Variants in FGD5 observed in about 807,000 individuals in gnomAD.
FGD5 encodes the protein FYVE, RhoGEF and PH domain containing 5.
Under a neutral mutation model 133.4 loss-of-function variants are expected in FGD5, and 28 were observed. The ratio of observed to expected loss-of-function variants is 0.21; its 90% CI spans 0.16 to 0.29. FGD5 has a LOEUF of 0.29. Ranked by LOEUF, FGD5 falls within the 10% of genes least tolerant of loss-of-function variation. The pLI is 1.00. For missense variants in FGD5, 1,858 were observed against 1,895.2 expected, an observed-to-expected ratio of 0.98 and a Z score of 0.36; for synonymous variants, 810 against 776.5, an observed-to-expected ratio of 1.04 and a Z score of -0.72.
intron 18 of FGD5, among the ~76,000 whole-genome samples, chr3:14,926,995 TG>T (rs1287061549): frequency 3.2e-4 from 49 of 152,316 alleles, no homozygotes; most frequent in African/African-American, 1.1e-3. Context: ...CTTCCTTCTT[TG>T]GGGCATGAAG....
At chr3:14,871,419 C>T (rs1461716896) in intron 2 of FGD5, among the ~76,000 whole-genome samples, 1 of 152,176 alleles carries the variant, frequency 6.6e-6, no homozygotes, top group East Asian at 1.9e-4. Context: ...AATGAAAACA[C>T]TTGTTTGGCT....
At chr3:14,864,867 T>G (rs1020432855) in intron 2 of FGD5, among the ~76,000 whole-genome samples, 8 of 152,162 alleles carry the variant, frequency 5.3e-5, no homozygotes, top group Non-Finnish European at 1.0e-4. Flanking sequence ...TGGACACTCA[T>G]GGTGAGCCGG....
intron 4 of FGD5, among the ~76,000 whole-genome samples, chr3:14,887,246 G>A (rs188258525): frequency 6.6e-5 from 10 of 152,264 alleles, no homozygotes; most frequent in Admixed American, 5.2e-4. Flanking sequence ...AGCTCCTTGA[G>A]GGCAAAGAGC....
intron 1 of FGD5, among the ~76,000 whole-genome samples, chr3:14,825,869 G>T (rs1249008228): frequency 6.6e-6 from 1 of 152,166 alleles, no homozygotes; most frequent in Non-Finnish European, 1.5e-5. Flanking sequence ...TTACACACTA[G>T]AAGCTTAATA....
chr3:14,866,286 A>G (rs954670023), intron 2 of FGD5, among the ~76,000 whole-genome samples: 2 of 152,182 alleles, frequency 1.3e-5, no homozygotes, highest in Non-Finnish European at 2.9e-5. Context: ...AGTGCCGGCC[A>G]TACAATAGGG....
At chr3:14,897,714 G>A (rs1195460688) in intron 5 of FGD5, 45 bp downstream of exon 5, 17 of 1,548,136 alleles carry the variant, frequency 1.1e-5, no homozygotes, top group Non-Finnish European at 1.4e-5. Context: ...GTTGCACTGG[G>A]GGAATGGAGA....
At chr3:14,821,617 T>C (rs550004342) in intron 1 of FGD5, 21 bp downstream of exon 1, 52 of 1,542,840 alleles carry the variant, frequency 3.4e-5, no homozygotes, top group Non-Finnish European at 4.3e-5. Context: ...TTCTATTTCC[T>C]TTCTTGTTCG....
At chr3:14,872,569 G>T (rs950848362) in intron 2 of FGD5, among the ~76,000 whole-genome samples, 2 of 152,200 alleles carry the variant, frequency 1.3e-5, no homozygotes, top group Admixed American at 6.5e-5. Context: ...ATTATAGGAG[G>T]AGCTGTGGAT....
intron 4 of FGD5, among the ~76,000 whole-genome samples, chr3:14,893,842 C>G (rs1161152846): frequency 6.8e-6 from 1 of 147,220 alleles, no homozygotes; most frequent in Non-Finnish European, 1.5e-5. Context: ...ATTGCAACCT[C>G]TGCCTCCCAG....
chr3:14,854,128 C>T (rs1559481008), intron 1 of FGD5, among the ~76,000 whole-genome samples: 2 of 151,940 alleles, frequency 1.3e-5, no homozygotes. Context: ...AGGTAAGAAA[C>T]AGAGAGGTTG....
At chr3:14,858,423 A>ATG (rs2037331016) in intron 1 of FGD5, among the ~76,000 whole-genome samples, 1 of 151,914 alleles carries the variant, frequency 6.6e-6, no homozygotes, top group South Asian at 2.1e-4. Flanking sequence ...AGATGGGTGA[A>ATG]TGAGTGGATG....
rs529361991 is a variant in FGD5 at position 14,897,884 on chromosome 3, C to G, written c.2910-55C>G. 2.2e-4 allele frequency: 347 copies of G among 1,606,208 alleles called. No individual in the cohort carries two copies. The African/African-American group carries it at 4.0e-3, about 19-fold the overall frequency. On this transcript the variant is annotated intron_variant, in intron 5 of 19. Transcript: ENST00000285046. ...GACTCCAGGCCCCCTGCTTCTAACC[C>G]TGCGTTGGTTACAAGGCTGAGTTCT...
At chr3:14,918,956 G>T in intron 13 of FGD5, 123 bp downstream of exon 13, 1 of 1,014,812 alleles carries the variant, frequency 9.9e-7, no homozygotes. Context: ...GTATCCTTCT[G>T]GGTCAAAGGA....
intron 1 of FGD5, among the ~76,000 whole-genome samples, chr3:14,856,432 G>T (rs1459065786): frequency 2.0e-5 from 3 of 152,070 alleles, no homozygotes; most frequent in Non-Finnish European, 4.4e-5. Flanking sequence ...TTTTGATGGG[G>T]ATTATGTTGA....
At chr3:14,920,858 A>G (rs1013507607) in intron 13 of FGD5, among the ~76,000 whole-genome samples, 3 of 152,204 alleles carry the variant, frequency 2.0e-5, no homozygotes, top group African/African-American at 7.2e-5. Flanking sequence ...AGTCTACTGC[A>G]TGAGGGAGTA....
At position 14,889,801 on chromosome 3, in the gene FGD5, G is replaced by A. The variant is rs147293200; in HGVS notation, c.2749-7708G>A. 2.5e-3 allele frequency among the ~76,000 whole-genome samples: 387 copies of A among 152,080 alleles called. 1 individual carries two copies. The highest frequency in any genetic ancestry group is 8.9e-3 in the African/African-American group (369 of 41,460). The stretch of plus-strand genomic sequence containing the variant: ...GCATTTCCCTGATGATTAATAAAAC[G>A]GAATCCTTCGTTCTGTTTATTAGCC... On this transcript the variant is annotated intron_variant, in intron 4 of 19. Transcript: ENST00000285046.
chr3:14,819,666 A>C lies in FGD5; in HGVS notation c.595A>C (p.Ile199Leu), dbSNP rs1221807749. 1 of 1,546,512 alleles carries C rather than the reference A, an allele frequency of 6.5e-7. No individual in the cohort carries two copies. The highest frequency in any genetic ancestry group is 2.0e-5 in the Admixed American group (1 of 50,680). The change falls in exon 1 of 20, where the codon ATC becomes CTC. Residue 199 changes from isoleucine to leucine, a missense_variant. Ile to Leu is a conservative substitution (Grantham distance 5, BLOSUM62 2). This residue lies in a region of FGD5 where 1,824 missense variants were observed against 1,848.9 expected (regional missense o/e 0.99). Transcript: ENST00000285046. This position sits in a 1 kb window ranked among gnomAD's most constrained non-coding sequence, Gnocchi z 4.1. ...CCAGAGCGACCTCCTCCTGCCTCAC[A>C]TCCATGGAGAGGACCAGGAGCCCCC... ...VFQSDLLLPH[I>L]HGEDQEPPDT...
rs770421971 is a variant in FGD5 at position 14,819,919 on chromosome 3, C to T, written c.848C>T (p.Thr283Met). Residue 283 changes from threonine to methionine, a missense_variant, in exon 1 of 20, where the codon ACG (threonine) becomes ATG (methionine). This residue lies in a region of FGD5 where 1,824 missense variants were observed against 1,848.9 expected (regional missense o/e 0.99). Transcript: ENST00000285046. The surrounding 1 kb of genome is among the most constrained non-coding windows in gnomAD (Gnocchi z 4.1). ...EVLEEGCEEA[T>M]GVTGGEQVDL... is the part of the protein sequence containing the mutation. Reference sequence around the variant, plus strand: ...CTTGAGGAGGGATGTGAAGAGGCCACGGGTGTCACAGGTGGGGAACAGGTT... The same window carrying T: ...CTTGAGGAGGGATGTGAAGAGGCCATGGGTGTCACAGGTGGGGAACAGGTT... 45 of 1,613,754 alleles carry T rather than the reference C, an allele frequency of 2.8e-5. No homozygotes were observed. The highest frequency in any genetic ancestry group is 3.3e-5 in the Non-Finnish European group (39 of 1,179,878).
intron 1 of FGD5, among the ~76,000 whole-genome samples, chr3:14,831,937 C>G (rs966229500): frequency 1.2e-4 from 19 of 152,194 alleles, no homozygotes; most frequent in Admixed American, 1.1e-3. Flanking sequence ...GCAGAATAAA[C>G]CAGAGCTCTT....
Sources: allele counts gnomAD v4.1 joint callset (sites outside exome capture counted in the v4.1 genomes callset), GRCh38; gene constraint gnomAD v4.1.1; regional missense constraint gnomAD v4.1.1; non-coding constraint Gnocchi (gnomAD v3.1); transcripts MANE v1.5; gene names NCBI Gene and HGNC (gene_info 2026-07-23, HGNC 2026-07-21).